The following THADA variants were observed in gnomAD, a reference collection of about 807,000 sequenced individuals.
THADA encodes THADA armadillo repeat containing, also known as tRNA (32-2'-O)-methyltransferase regulator THADA.
In THADA, 213 loss-of-function variants were observed where a neutral mutation model predicts 219.8. The ratio of observed to expected loss-of-function variants is 0.97; its 90% CI spans 0.87 to 1.09. THADA has a LOEUF of 1.09. Among genes scored for constraint, THADA ranks in the 50% least tolerant of loss-of-function variants. The pLI is 0.00. For synonymous variants in THADA, 1,018 were observed against 828.9 expected (o/e 1.23, Z -3.92); for missense variants, 2,956 against 2,311.3 (o/e 1.28, Z -5.72).
intron 30 of THADA, among the ~76,000 whole-genome samples, chr2:43,331,242 A>T (rs1665731985): frequency 6.6e-6 from 1 of 152,216 alleles, no homozygotes; most frequent in Non-Finnish European, 1.5e-5. Flanking sequence ...TCTTAGCAAC[A>T]TTGGAAAGAC....
intron 34 of THADA, among the ~76,000 whole-genome samples, chr2:43,287,390 G>A (rs1458875313): frequency 6.6e-6 from 1 of 152,082 alleles, no homozygotes; most frequent in Non-Finnish European, 1.5e-5. Flanking sequence ...TGCCTCCTGG[G>A]TTAAAGTGAT....
chr2:43,241,333 C>G (rs1367780588), intron 36 of THADA, among the ~76,000 whole-genome samples: 4 of 151,928 alleles, frequency 2.6e-5, no homozygotes, highest in African/African-American at 9.7e-5. Flanking sequence ...AAGTGATCCA[C>G]ACACCTAGGC....
rs1128210 is a variant in THADA, at chr2:43,291,740, G to C, written c.4966C>G (p.Leu1656Val). The stretch of plus-strand genomic sequence containing the variant: ...TGGTGGGAAATGACTTTGGAAGCAA[G>C]TCTCAGAGCTACACTCTGAATTTCA... ...RSEIQSVALR[L>V]ASKVISHHMQ... The change falls in exon 34 of 38, where the codon CTT (leucine) becomes GTT (valine). Residue 1656 changes from leucine to valine, a missense_variant. Transcript: ENST00000405975. 3 of 1,555,420 alleles carry C rather than the reference G, an allele frequency of 1.9e-6. No individual in the cohort carries two copies. In the South Asian group the frequency reaches 3.6e-5, roughly 18 times the overall value.
At chr2:43,444,177 G>A (rs1237373784) in intron 26 of THADA, among the ~76,000 whole-genome samples, 2 of 151,964 alleles carry the variant, frequency 1.3e-5, no homozygotes, top group Non-Finnish European at 2.9e-5. Flanking sequence ...ATGTTTTGAT[G>A]TAGGTCCATC....
chr2:43,428,641 A>G (rs1678822965), intron 27 of THADA, among the ~76,000 whole-genome samples: 1 of 152,144 alleles, frequency 6.6e-6, no homozygotes, highest in Non-Finnish European at 1.5e-5. Context: ...AGACTCCACA[A>G]TCAAGGGGAT....
At position 43,292,997 on chromosome 2, in the gene THADA, G is replaced by A; in HGVS notation, c.4655C>T (p.Ala1552Val). ...PISFSQLLES[A>V]FPEVRSLTLE... ...TGTTAGTGAGCGCACTTCAGGGAAG[G>A]CAGATTCTAACAGCTGAGAGAAAGA... Residue 1552 changes from alanine to valine, a missense_variant, in exon 32 of 38, where the codon GCC becomes GTC. Transcript: ENST00000405975. The A allele has an allele frequency of 6.2e-7, 1 of 1,613,984 alleles. No individual in the cohort carries two copies. Among genetic ancestry groups the A allele is most frequent in the South Asian group, 1.1e-5 (1 of 91,082 alleles).
chr2:43,327,688 T>C (rs1679496960), intron 30 of THADA, among the ~76,000 whole-genome samples: 1 of 152,148 alleles, frequency 6.6e-6, no homozygotes, highest in Admixed American at 6.5e-5. Context: ...GAAGGATTGC[T>C]TGAGATCAGG....
Position 43,431,256 on chromosome 2 carries a change from T to C in THADA, c.3837-954A>G, listed in dbSNP as rs962519533. On this transcript the variant is annotated intron_variant, in intron 26 of 37. Transcript: ENST00000405975. ...AACGTTTTTACACACAGCAAAATGC[T>C]GTGATCAAGTGTACCATTCAACCCA... 9.8e-5 allele frequency among the ~76,000 whole-genome samples: 15 copies of C among 152,324 alleles called. No individual in the cohort carries two copies. The East Asian group carries it at 1.3e-3, about 14-fold the overall frequency.
At chr2:43,359,017 T>C (rs868288473) in intron 29 of THADA, among the ~76,000 whole-genome samples, 1 of 152,048 alleles carries the variant, frequency 6.6e-6, no homozygotes, top group African/African-American at 2.4e-5. Flanking sequence ...TCCCCCTCCA[T>C]CTAGTTTGTT....
At position 43,423,242 on chromosome 2, in the gene THADA, AT is replaced by A. The variant is rs977125827; in HGVS notation, c.4058+4857del. Among the ~76,000 whole-genome samples the A allele has an allele frequency of 2.6e-5, 4 of 151,982 alleles. No homozygotes were observed. In the South Asian group the frequency reaches 6.2e-4, roughly 24 times the overall value. The stretch of plus-strand genomic sequence containing the variant: ...TAAGCATGCAATCTAGCTTGCCTTC[AT>A]TTTTTTTATGGCTACTTTTAGCCAT... On this transcript the variant is annotated intron_variant, in intron 28 of 37. Transcript: ENST00000405975.
At chr2:43,472,916 TA>T (rs199524026) in intron 26 of THADA, among the ~76,000 whole-genome samples, 4 of 150,764 alleles carry the variant, frequency 2.7e-5, no homozygotes, top group Non-Finnish European at 4.4e-5. Context: ...CTATAAGAGA[TA>T]AAAAAAAATG....
intron 22 of THADA, among the ~76,000 whole-genome samples, chr2:43,526,407 G>C (rs1485853393): frequency 6.6e-6 from 1 of 152,148 alleles, no homozygotes; most frequent in South Asian, 2.1e-4. Flanking sequence ...CACCACTACA[G>C]GAAGGAGGTT....
intron 29 of THADA, among the ~76,000 whole-genome samples, chr2:43,376,704 A>G (rs1362752729): frequency 6.6e-6 from 1 of 152,190 alleles, no homozygotes; most frequent in African/African-American, 2.4e-5. Context: ...ACCTAGATAC[A>G]TTACAACACA....
intron 16 of THADA, among the ~76,000 whole-genome samples, chr2:43,557,668 G>A (rs1052291329): frequency 2.0e-5 from 3 of 152,178 alleles, no homozygotes; most frequent in African/African-American, 7.2e-5. Context: ...GAAGACATAA[G>A]TCCTAGTCCC....
chr2:43,526,618 T>C (rs563997069), intron 22 of THADA, among the ~76,000 whole-genome samples: 1 of 152,340 alleles, frequency 6.6e-6, no homozygotes, highest in East Asian at 1.9e-4. Context: ...AGTGTGTCGG[T>C]CTTACTTCCA....
intron 30 of THADA, among the ~76,000 whole-genome samples, chr2:43,324,076 A>C (rs539781016): frequency 4.7e-4 from 72 of 152,186 alleles, no homozygotes; most frequent in Admixed American, 1.2e-3. Context: ...TCTTGCCCCA[A>C]ATGTTTTTCT....
intron 26 of THADA, among the ~76,000 whole-genome samples, chr2:43,443,771 T>G (rs1357286068): frequency 1.3e-5 from 2 of 152,232 alleles, no homozygotes; most frequent in Non-Finnish European, 2.9e-5. Context: ...AGGTGAGTTA[T>G]TCCCTCTCCC....
intron 14 of THADA, among the ~76,000 whole-genome samples, 187 bp downstream of exon 14, chr2:43,570,201 T>TG: frequency 6.6e-6 from 1 of 152,320 alleles, no homozygotes; most frequent in East Asian, 1.9e-4. Flanking sequence ...GGTACAGCAC[T>TG]GGTTCCATAA....
chr2:43,366,121 C>T (rs557927126), intron 29 of THADA, among the ~76,000 whole-genome samples: 24 of 152,298 alleles, frequency 1.6e-4, no homozygotes, highest in Non-Finnish European at 2.9e-4. Context: ...CACTGCAGGG[C>T]AGGTGCTTAT....
Sources: allele counts gnomAD v4.1 joint callset (sites outside exome capture counted in the v4.1 genomes callset), GRCh38; gene constraint gnomAD v4.1.1; transcripts MANE v1.5; gene names NCBI Gene and HGNC (gene_info 2026-07-23, HGNC 2026-07-21).